The following EP300 variants were observed in gnomAD, a reference collection of about 807,000 sequenced individuals.
EP300 encodes the protein histone acetyltransferase p300.
EP300 carries 31 observed loss-of-function variants against 264.0 expected under a neutral mutation model. The ratio of observed to expected loss-of-function variants is 0.12; its 90% CI spans 0.09 to 0.16. The LOEUF is 0.16. Ranked by LOEUF, EP300 falls within the 10% of genes least tolerant of loss-of-function variation. EP300 has a pLI of 1.00. For missense variants in EP300, 2,766 were observed against 3,052.9 expected, an observed-to-expected ratio of 0.91 and a Z score of 2.21; for synonymous variants, 1,340 against 1,045.4, an observed-to-expected ratio of 1.28 and a Z score of -5.44.
intron 27 of EP300, 82 bp downstream of exon 27, chr22:41,170,653 CTTTTTTTTTTTTTTTT>C: frequency 3.2e-6 from 1 of 310,196 alleles, no homozygotes; most frequent in Admixed American, 5.7e-5. Flanking sequence ...TGTCATTTAA[CTTTTTTTTTTTTTTTT>C]TTTTTTTTTT....
intron 2 of EP300, among the ~76,000 whole-genome samples, chr22:41,121,601 C>T (rs1398461452): frequency 6.6e-6 from 1 of 152,040 alleles, no homozygotes; most frequent in Admixed American, 6.6e-5. Context: ...CCATAGTCTG[C>T]CATAGAGGAG....
At chr22:41,176,007 C>T (rs934462063) in intron 29 of EP300, 2 of 541,390 alleles carry the variant, frequency 3.7e-6, no homozygotes, top group African/African-American at 3.8e-5. Context: ...ATCACTTGAG[C>T]TTAGGAGTTT....
intron 21 of EP300, among the ~76,000 whole-genome samples, chr22:41,163,434 C>CAAA (rs763502729): frequency 1.5e-3 from 69 of 44,980 alleles, no homozygotes; most frequent in African/African-American, 5.4e-3. Context: ...GACTCCGTCT[C>CAAA]AAAAAAAAAA....
intron 2 of EP300, among the ~76,000 whole-genome samples, chr22:41,118,830 G>A (rs1269743497): frequency 6.6e-6 from 1 of 151,924 alleles, no homozygotes; most frequent in Non-Finnish European, 1.5e-5. Flanking sequence ...TGGTGACAGA[G>A]AATGCAAGTG....
intron 15 of EP300, 95 bp from the exon 16 acceptor site, chr22:41,152,111 T>G: frequency 1.3e-6 from 2 of 1,585,932 alleles, no homozygotes; most frequent in Non-Finnish European, 1.7e-6. Flanking sequence ...TAATTAGATC[T>G]CATGGCATAG....
At chr22:41,133,099 C>G (rs1001523877) in intron 6 of EP300, among the ~76,000 whole-genome samples, 4 of 152,118 alleles carry the variant, frequency 2.6e-5, no homozygotes, top group African/African-American at 9.7e-5. Context: ...CTGCCTTGGC[C>G]TCCCAGAGTG....
intron 27 of EP300, 24 bp downstream of exon 27, chr22:41,170,595 G>A (rs1244823005): frequency 6.2e-7 from 1 of 1,610,854 alleles, no homozygotes; most frequent in East Asian, 2.2e-5. Context: ...TAGGGGCCAG[G>A]TGCTGACAAT....
At chr22:41,133,666 C>G (rs2058933359) in intron 6 of EP300, among the ~76,000 whole-genome samples, 1 of 152,176 alleles carries the variant, frequency 6.6e-6, no homozygotes, top group African/African-American at 2.4e-5. Context: ...CCAACCCATA[C>G]TGCTATTTTT....
intron 8 of EP300, 27 bp from the exon 9 acceptor site, chr22:41,140,113 T>C (rs1569102673): frequency 6.7e-7 from 1 of 1,485,690 alleles, no homozygotes; most frequent in South Asian, 1.1e-5. Context: ...GACATGATAT[T>C]ACAGTGGTAG....
intron 1 of EP300, among the ~76,000 whole-genome samples, chr22:41,096,006 G>T (rs1406025414): frequency 6.6e-6 from 1 of 152,160 alleles, no homozygotes; most frequent in Non-Finnish European, 1.5e-5. Flanking sequence ...ACTTTTACGT[G>T]TTGGGATGGG....
chr22:41,174,260 AC>A (rs2059187467), intron 29 of EP300, among the ~76,000 whole-genome samples: 3 of 151,752 alleles, frequency 2.0e-5, no homozygotes, highest in Admixed American at 2.0e-4. Context: ...GCGAACCGAA[AC>A]CCCGTCTCTA....
chr22:41,168,144 T>A, intron 23 of EP300: 1 of 391,184 alleles, frequency 2.6e-6, no homozygotes, highest in Non-Finnish European at 4.8e-6. Context: ...TTTTATAAAC[T>A]CTTCCAAAAT....
intron 2 of EP300, among the ~76,000 whole-genome samples, chr22:41,118,330 C>G (rs1435776541): frequency 2.0e-5 from 3 of 151,366 alleles, no homozygotes; most frequent in African/African-American, 7.3e-5. Flanking sequence ...CAGAACTTGG[C>G]CAAAGACTTC....
chr22:41,131,394 T>C lies in EP300; in HGVS notation c.1289T>C (p.Leu430Ser). ...AGDKRNQQPI[L>S]TGAPVGLGNP... ...TATCTTTTGTCTTCTCTAGCAATTT[T>C]GACTGGAGCACCCGTTGGACTTGGA... is the stretch of plus-strand genomic sequence containing the variant. The change falls in exon 6 of 31, where the codon TTG (leucine) becomes TCG (serine). Residue 430 changes from leucine to serine, a missense_variant. Leu to Ser is a moderately radical substitution (Grantham distance 145, BLOSUM62 -2). Coordinates refer to ENST00000263253, the MANE Select transcript of EP300 (RefSeq NM_001429.4). The C allele has an allele frequency of 1.9e-6, 3 of 1,613,964 alleles. No individual in the cohort carries two copies. The highest frequency in any genetic ancestry group is 2.5e-6 in the Non-Finnish European group (3 of 1,180,026).
In EP300 at chr22:41,170,504, G is replaced by A. The variant is rs1263559023; in HGVS notation, c.4385G>A (p.Arg1462Gln). ...GACCAGAAGATACCCAAGCCCAAGCGACTGCAGGAATGGTACAAAAAAATG... is the reference window on the plus strand; with the variant it reads ...GACCAGAAGATACCCAAGCCCAAGCAACTGCAGGAATGGTACAAAAAAATG... ...PPDQKIPKPK[R>Q]LQEWYKKMLD... Residue 1462 changes from arginine to glutamine, a missense_variant, in exon 27 of 31, where the codon CGA (arginine) becomes CAA (glutamine). Coordinates refer to ENST00000263253, the MANE Select transcript of EP300 (RefSeq NM_001429.4). 6.2e-7 allele frequency: 1 copy of A among 1,614,060 alleles called. No individual in the cohort carries two copies.
At position 41,092,669 on chromosome 22, in the gene EP300, G is replaced by C; in HGVS notation, c.-336G>C. The C allele has an allele frequency of 1.6e-6, 1 of 629,934 alleles. No homozygotes were observed. Among genetic ancestry groups the C allele is most frequent in the African/African-American group, 1.8e-5 (1 of 54,186 alleles). 39.0% of individuals were successfully genotyped at this position (629,934 alleles called of 1,614,324 possible). On this transcript the variant is annotated 5_prime_UTR_variant, in exon 1 of 31. Coordinates refer to ENST00000263253, the MANE Select transcript of EP300 (RefSeq NM_001429.4). ...CTCCGAGAGACCTCGGCTGGGCAGG[G>C]GCCGGCCGTGGCGGGCCGGGGACTG...
At chr22:41,109,214 G>A (rs2058774616) in intron 1 of EP300, among the ~76,000 whole-genome samples, 1 of 140,966 alleles carries the variant, frequency 7.1e-6, no homozygotes, top group African/African-American at 2.6e-5. Context: ...TGATCCCGTC[G>A]CTCCACTCCA....
intron 19 of EP300, chr22:41,158,821 G>A (rs1489019717): frequency 9.9e-6 from 3 of 304,266 alleles, no homozygotes; most frequent in African/African-American, 6.4e-5. Context: ...CACAGCCTGA[G>A]GCAAAACTGA....
chr22:41,111,530 C>T (rs1404872913), intron 1 of EP300, among the ~76,000 whole-genome samples: 1 of 151,380 alleles, frequency 6.6e-6, no homozygotes, highest in African/African-American at 2.4e-5. Context: ...TTCCTTTTTC[C>T]TTTTTCTTTC....
Sources: allele counts gnomAD v4.1 joint callset (sites outside exome capture counted in the v4.1 genomes callset), GRCh38; gene constraint gnomAD v4.1.1; transcripts MANE v1.5; gene names NCBI Gene and HGNC (gene_info 2026-07-23, HGNC 2026-07-21).